Variants in LRRTM4 observed in about 807,000 individuals in gnomAD.
The protein encoded by LRRTM4 is leucine rich repeat transmembrane neuronal 4.
A neutral mutation model predicts 47.6 loss-of-function variants in LRRTM4; 25 were observed. The observed-to-expected ratio is 0.53, with a 90% CI of 0.38 to 0.73. The LOEUF (loss-of-function observed/expected upper bound fraction) is 0.73. Among genes scored for constraint, LRRTM4 ranks in the 30% least tolerant of loss-of-function variants. LRRTM4 has a pLI of 0.00. For synonymous variants in LRRTM4, 311 were observed against 269.5 expected (o/e 1.15, Z -1.51); for missense variants, 638 against 713.4 (o/e 0.89, Z 1.20).
intron 3 of LRRTM4, among the ~76,000 whole-genome samples, chr2:77,244,364 T>G (rs1281870043): frequency 3.9e-5 from 6 of 151,904 alleles, no homozygotes; most frequent in Non-Finnish European, 7.4e-5. Context: ...CCACAATGGT[T>G]GAACTAGTTT....
At chr2:77,008,753 A>C (rs942061359) in intron 3 of LRRTM4, among the ~76,000 whole-genome samples, 1 of 152,052 alleles carries the variant, frequency 6.6e-6, no homozygotes, top group Admixed American at 6.6e-5. Context: ...GTGATTTCCA[A>C]ATGTACCATT....
chr2:77,030,576 G>A (rs115178205), intron 3 of LRRTM4, among the ~76,000 whole-genome samples: 2,725 of 152,178 alleles, frequency 0.018, 70 homozygotes, highest in African/African-American at 0.062. Flanking sequence ...AGAATTTATA[G>A]AGGATGAAAA....
chr2:77,489,222 T>C (rs1368809496), intron 3 of LRRTM4, among the ~76,000 whole-genome samples: 1 of 152,162 alleles, frequency 6.6e-6, no homozygotes, highest in Admixed American at 6.5e-5. Context: ...CTATAATCTG[T>C]CTGAACCTGT....
intron 3 of LRRTM4, among the ~76,000 whole-genome samples, chr2:77,373,778 G>C (rs1454680160): frequency 2.0e-5 from 3 of 151,736 alleles, no homozygotes; most frequent in Non-Finnish European, 2.9e-5. Flanking sequence ...GAATGTGACA[G>C]TAGAAATCAG....
rs369985804 is a variant in LRRTM4, at chr2:76,748,654, T to TC, written c.*40dup. 1.5e-4 allele frequency: 105 copies of TC among 704,750 alleles called. 1 individual carries two copies. Among genetic ancestry groups the TC allele is most frequent in the African/African-American group, 5.0e-4 (28 of 55,590 alleles). 43.7% of individuals were successfully genotyped at this position (704,750 alleles called of 1,614,324 possible). A position where few individuals can be genotyped will look rare whatever the true frequency, so the allele number is the denominator to read the frequency against. ...TCTCCTTTAAGATGAAGGCCCTCCC[T>TC]CCCCCCCATGGAGCTCCCCAGTGAG... On this transcript the variant is annotated 3_prime_UTR_variant, in exon 4 of 4. Transcript: ENST00000409884.
intron 3 of LRRTM4, among the ~76,000 whole-genome samples, chr2:77,508,465 C>G (rs689554): frequency 0.042 from 6,425 of 152,204 alleles, 468 homozygotes; most frequent in African/African-American, 0.15. Context: ...TACTCAACCA[C>G]TGGCCAAATC....
intron 3 of LRRTM4, among the ~76,000 whole-genome samples, chr2:77,434,391 A>C (rs768232277): frequency 2.8e-4 from 42 of 152,154 alleles, no homozygotes; most frequent in Non-Finnish European, 3.2e-4. Context: ...GATGTGAGTC[A>C]GAAACGTACA....
chr2:77,299,848 T>A (rs1677080692), intron 3 of LRRTM4, among the ~76,000 whole-genome samples: 4 of 85,022 alleles, frequency 4.7e-5, no homozygotes, highest in Non-Finnish European at 7.5e-5. Context: ...AAGGTAATGA[T>A]TTTTTTTTTT....
chr2:77,057,122 T>C (rs1370175563), intron 3 of LRRTM4, among the ~76,000 whole-genome samples: 1 of 152,184 alleles, frequency 6.6e-6, no homozygotes, highest in African/African-American at 2.4e-5. Flanking sequence ...ACAGAAAACC[T>C]TTGCTGACCT....
At chr2:77,436,475 T>C (rs1675605324) in intron 3 of LRRTM4, among the ~76,000 whole-genome samples, 1 of 151,850 alleles carries the variant, frequency 6.6e-6, no homozygotes, top group African/African-American at 2.4e-5. Flanking sequence ...ATTTATATAA[T>C]ACCATAAGAT....
intron 3 of LRRTM4, among the ~76,000 whole-genome samples, chr2:77,075,382 T>G (rs1033451846): frequency 2.6e-5 from 4 of 152,144 alleles, no homozygotes; most frequent in African/African-American, 9.7e-5. Flanking sequence ...TTTTAAAAAA[T>G]TTCTTCAGAC....
intron 3 of LRRTM4, among the ~76,000 whole-genome samples, chr2:77,469,436 T>A (rs1163845585): frequency 2.7e-5 from 1 of 37,210 alleles, no homozygotes; most frequent in South Asian, 1.4e-3. Flanking sequence ...AGAGAGCTAA[T>A]GTACTCAAAA....
chr2:77,383,264 T>C (rs1160934572), intron 3 of LRRTM4, among the ~76,000 whole-genome samples: 1 of 152,068 alleles, frequency 6.6e-6, no homozygotes, highest in Admixed American at 6.6e-5. Context: ...TAACTAAAAT[T>C]TTCTTGACCT....
chr2:77,256,427 C>T (rs915387101), intron 3 of LRRTM4, among the ~76,000 whole-genome samples: 2 of 152,044 alleles, frequency 1.3e-5, no homozygotes, highest in Non-Finnish European at 2.9e-5. Context: ...ATGCCCCCAC[C>T]CAAATCTCAT....
chr2:77,416,549 C>G (rs1033725006), intron 3 of LRRTM4, among the ~76,000 whole-genome samples: 5 of 152,054 alleles, frequency 3.3e-5, no homozygotes, highest in Non-Finnish European at 7.4e-5. Flanking sequence ...CAAATTCATT[C>G]TCAATTTAAA....
chr2:77,170,755 A>G (rs1396585691), intron 3 of LRRTM4, among the ~76,000 whole-genome samples: 1 of 150,088 alleles, frequency 6.7e-6, no homozygotes, highest in Non-Finnish European at 1.5e-5. Context: ...TTATCACTAT[A>G]TTTATAAATG....
intron 3 of LRRTM4, among the ~76,000 whole-genome samples, chr2:77,075,221 A>G (rs1680292931): frequency 6.6e-6 from 1 of 152,198 alleles, no homozygotes; most frequent in Admixed American, 6.5e-5. Context: ...TTATACAGAA[A>G]TTGATTTTGG....
chr2:77,513,221 C>G lies in LRRTM4; in HGVS notation c.1551+5097G>C, dbSNP rs2104108850. On this transcript the variant is annotated intron_variant, in intron 3 of 3. Transcript: ENST00000409884. ...CATAAAGAAATTGTATGGCTGCTCA[C>G]CTGGGCACCCCAGTTTTTAGTAACT... Among the ~76,000 whole-genome samples the G allele has an allele frequency of 1.3e-5, 2 of 152,258 alleles. 1 individual carries two copies. Among genetic ancestry groups the G allele is most frequent in the Middle Eastern group, 6.8e-3 (2 of 294 alleles).
In LRRTM4 at chr2:77,041,491, G is replaced by C. The variant is rs114212431; in HGVS notation, c.1552-292575C>G. Reference sequence around the variant, plus strand: ...TGAAATTTTAAGGAACCTCTATATGGTTTTCCATAGTGGCTGTACTAATTT... The same window carrying C: ...TGAAATTTTAAGGAACCTCTATATGCTTTTCCATAGTGGCTGTACTAATTT... On this transcript the variant is annotated intron_variant, in intron 3 of 3. Coordinates refer to ENST00000409884, the MANE Select transcript of LRRTM4 (RefSeq NM_001134745.3). Among the ~76,000 whole-genome samples the C allele has an allele frequency of 6.7e-3, 1,008 of 151,450 alleles. 12 individuals carry two copies. The highest frequency in any genetic ancestry group is 0.023 in the African/African-American group (972 of 41,422).
Sources: allele counts gnomAD v4.1 joint callset (sites outside exome capture counted in the v4.1 genomes callset), GRCh38; gene constraint gnomAD v4.1.1; transcripts MANE v1.5; gene names NCBI Gene and HGNC (gene_info 2026-07-23, HGNC 2026-07-21).